The following AHRR variants were observed in gnomAD, a reference collection of about 807,000 sequenced individuals.
AHRR encodes aryl hydrocarbon receptor repressor, also known as ahR repressor.
A neutral mutation model predicts 44.0 loss-of-function variants in AHRR; 28 were observed. The ratio of observed to expected loss-of-function variants is 0.64; its 90% CI spans 0.47 to 0.87. The LOEUF is 0.87. Ranked by LOEUF, AHRR falls within the 40% of genes least tolerant of loss-of-function variation. The pLI is 0.00. For synonymous variants in AHRR, 434 were observed against 407.0 expected (o/e 1.07, Z -0.80); for missense variants, 990 against 953.9 (o/e 1.04, Z -0.50).
At position 387,650 on chromosome 5, in the gene AHRR, T is replaced by C. The variant is rs1734223136; in HGVS notation, c.351+10934T>C. Among the ~76,000 whole-genome samples, 2 of 152,238 alleles carry C rather than the reference T, an allele frequency of 1.3e-5. No homozygotes were observed. Among genetic ancestry groups the C allele is most frequent in the Non-Finnish European group, 2.9e-5 (2 of 68,026 alleles). On this transcript the variant is annotated intron_variant, in intron 4 of 10. Transcript: ENST00000684583. The surrounding 1 kb of genome is among the most constrained non-coding windows in gnomAD (Gnocchi z 5.1). ...TGACCTCCTCAGCCTCTTCTGTGGC[T>C]TCTGACAGCAGCAGTGGTAATACCG...
rs1737007739 is a variant in AHRR, at chr5:435,896, A to G, written c.*1062A>G. The G allele has an allele frequency of 6.5e-6, 1 of 152,840 alleles. No individual in the cohort carries two copies. The allele number at this position is 152,840 out of a possible 1,614,324, so 9.5% of individuals were successfully genotyped here. The stretch of plus-strand genomic sequence containing the variant: ...AAATTTGGATACAAAAGCATAAGTC[A>G]GAAAGTGAAGGTCACCAATCCACCA... On this transcript the variant is annotated 3_prime_UTR_variant, in exon 11 of 11. Transcript: ENST00000684583.
chr5:397,686 C>T (rs1319357302), intron 4 of AHRR, among the ~76,000 whole-genome samples: 2 of 136,916 alleles, frequency 1.5e-5, no homozygotes, highest in African/African-American at 3.0e-5. Flanking sequence ...TCCATGTAGC[C>T]CCTGACCATC....
rs374328681 is a variant in AHRR at position 383,090 on chromosome 5, A to G, written c.351+6374A>G. ...GACATTTTCCAGGTATCCTGATGCT[A>G]TTGAATTCTGGCTCAATTTTGTTAT... On this transcript the variant is annotated intron_variant, in intron 4 of 10. Transcript: ENST00000684583. This position sits in a 1 kb window ranked among gnomAD's most constrained non-coding sequence, Gnocchi z 4.0. Among the ~76,000 whole-genome samples the G allele has an allele frequency of 4.0e-4, 61 of 152,366 alleles. 1 individual carries two copies. The South Asian group carries it at 8.1e-3, about 20-fold the overall frequency.
At chr5:421,126 G>T (rs1736090717) in intron 5 of AHRR, 1 of 557,826 alleles carries the variant, frequency 1.8e-6, no homozygotes, top group Non-Finnish European at 3.1e-6. Flanking sequence ...GAGCGTTCGC[G>T]CCTTAACTGG....
At chr5:328,656 C>T (rs1014774880) in intron 1 of AHRR, among the ~76,000 whole-genome samples, 9 of 151,910 alleles carry the variant, frequency 5.9e-5, no homozygotes, top group African/African-American at 2.2e-4. Flanking sequence ...TTTCATATAC[C>T]TGTTGGCCAT....
Position 434,917 on chromosome 5 carries a change from C to T in AHRR, c.*83C>T. The T allele has an allele frequency of 1.4e-6, 2 of 1,469,916 alleles. No individual in the cohort carries two copies. Among genetic ancestry groups the T allele is most frequent in the Admixed American group, 2.2e-5 (1 of 45,876 alleles). The allele number at this position is 1,469,916 out of a possible 1,614,324, so 91.1% of individuals were successfully genotyped here. A position where few individuals can be genotyped will look rare whatever the true frequency, so the allele number is the denominator to read the frequency against. On this transcript the variant is annotated 3_prime_UTR_variant, in exon 11 of 11. Transcript: ENST00000684583. ...CTGGGCTGCCCTGCTCCTGGTCAGG[C>T]CGGAGCCCGTCCTAAGACACACGCT...
intron 1 of AHRR, among the ~76,000 whole-genome samples, chr5:330,083 TATG>T (rs1209374704): frequency 1.3e-5 from 2 of 152,180 alleles, no homozygotes. Flanking sequence ...CCTCATTCAG[TATG>T]ATGTTAGCTG....
At chr5:402,299 T>A (rs112769762) in intron 4 of AHRR, among the ~76,000 whole-genome samples, 6,664 of 136,316 alleles carry the variant, frequency 0.049, 179 homozygotes, top group Non-Finnish European at 0.068. Flanking sequence ...CAGTCGTTGA[T>A]GAGGGTGTGG....
At chr5:391,154 T>C (rs1734398552) in intron 4 of AHRR, among the ~76,000 whole-genome samples, 1 of 152,012 alleles carries the variant, frequency 6.6e-6, no homozygotes, top group South Asian at 2.1e-4. Flanking sequence ...TGTGAGTGAG[T>C]ACCTGGGAAA....
Position 353,881 on chromosome 5 carries a change from A to C in AHRR, c.214A>C (p.Ser72Arg). ...DKLSVLRLSVSYLRVKSFFQV... is the reference protein window; with the variant it reads ...DKLSVLRLSVRYLRVKSFFQV... Reference sequence around the variant, plus strand: ...GCTTTCTGTCCTGCGCCTCAGTGTCAGTTACCTCCGGGTGAAGAGCTTCTT... The same window carrying C: ...GCTTTCTGTCCTGCGCCTCAGTGTCCGTTACCTCCGGGTGAAGAGCTTCTT... Residue 72 changes from serine to arginine, a missense_variant, in exon 3 of 11, where the codon AGT (serine) becomes CGT (arginine). Coordinates refer to ENST00000684583, the MANE Select transcript of AHRR (RefSeq NM_001377236.1). 2 of 1,613,952 alleles carry C rather than the reference A, an allele frequency of 1.2e-6. No homozygotes were observed. The highest frequency in any genetic ancestry group is 1.7e-6 in the Non-Finnish European group (2 of 1,179,908).
rs1481931809 is a variant in AHRR at position 419,091 on chromosome 5, C to G, written c.442-3638C>G. 1 of 152,218 alleles carries G rather than the reference C, an allele frequency of 6.6e-6. No individual in the cohort carries two copies. The highest frequency in any genetic ancestry group is 2.4e-5 in the African/African-American group (1 of 41,430). The allele number at this position is 152,218 out of a possible 1,614,324, so 9.4% of individuals were successfully genotyped here. ...TGACCACAAAGCTGAAGGAGTCTCTCTCTTCTATTGGGAAATAAGTCTTTG... is the reference window on the plus strand; with the variant it reads ...TGACCACAAAGCTGAAGGAGTCTCTGTCTTCTATTGGGAAATAAGTCTTTG... On this transcript the variant is annotated intron_variant, in intron 5 of 10. Coordinates refer to ENST00000684583, the MANE Select transcript of AHRR (RefSeq NM_001377236.1). The surrounding 1 kb of genome is among the most constrained non-coding windows in gnomAD (Gnocchi z 4.4).
At chr5:416,212 G>A (rs1398946319) in intron 5 of AHRR, among the ~76,000 whole-genome samples, 1 of 152,258 alleles carries the variant, frequency 6.6e-6, no homozygotes, top group Non-Finnish European at 1.5e-5. Flanking sequence ...CTGCCAAGGG[G>A]TGTCCAGGCC....
intron 4 of AHRR, among the ~76,000 whole-genome samples, chr5:390,541 A>T (rs1350815227): frequency 6.6e-6 from 1 of 152,212 alleles, no homozygotes; most frequent in East Asian, 1.9e-4. Flanking sequence ...AACGCTGAAG[A>T]GGTCTTTCCA....
At chr5:415,928 C>T (rs564845547) in intron 5 of AHRR, among the ~76,000 whole-genome samples, 5 of 151,810 alleles carry the variant, frequency 3.3e-5, no homozygotes, top group East Asian at 1.9e-4. Flanking sequence ...CAAAAAAACT[C>T]CTCTAGTCCG....
chr5:410,114 T>C (rs1020823844), intron 4 of AHRR, among the ~76,000 whole-genome samples: 1 of 152,364 alleles, frequency 6.6e-6, no homozygotes, highest in East Asian at 1.9e-4. Context: ...TAGGAAGCCA[T>C]GAAGTCAAAA....
intron 2 of AHRR, among the ~76,000 whole-genome samples, 192 bp downstream of exon 2, chr5:344,156 C>G (rs1211149072): frequency 6.6e-6 from 1 of 151,256 alleles, no homozygotes; most frequent in African/African-American, 2.4e-5. Context: ...GCCCGGAGCC[C>G]CCGGCGAGGC....
chr5:413,460 G>C, intron 5 of AHRR, 27 bp downstream of exon 5: 2 of 1,493,358 alleles, frequency 1.3e-6, no homozygotes, highest in Non-Finnish European at 1.9e-6. Flanking sequence ...TAGCCCTCCA[G>C]TCTGTTAAGT....
rs1236244284 is a variant in AHRR at position 424,156 on chromosome 5, G to A, written c.708+179G>A. On this transcript the variant is annotated intron_variant, in intron 7 of 10. Transcript: ENST00000684583. ...TGATGGTGTGGGGGTGTTAACCCAT[G>A]TGTCTCTGGTGGGTGGGAGAGGGCT... Among the ~76,000 whole-genome samples, 61 of 150,288 alleles carry A rather than the reference G, an allele frequency of 4.1e-4. No homozygotes were observed. In the East Asian group the frequency reaches 7.0e-3, roughly 17 times the overall value.
intron 4 of AHRR, among the ~76,000 whole-genome samples, chr5:398,091 GACCATCCAC>G: frequency 4.6e-5 from 6 of 131,548 alleles, no homozygotes; most frequent in African/African-American, 1.9e-4. Flanking sequence ...CGTAGCCCCT[GACCATCCAC>G]GTAGCTCCTG....
Sources: allele counts gnomAD v4.1 joint callset (sites outside exome capture counted in the v4.1 genomes callset), GRCh38; gene constraint gnomAD v4.1.1; non-coding constraint Gnocchi (gnomAD v3.1); transcripts MANE v1.5; gene names NCBI Gene and HGNC (gene_info 2026-07-23, HGNC 2026-07-21).